NEGR1: variants seen among roughly 807,000 people sequenced by gnomAD.
NEGR1 encodes the protein IgLON family member 4.
A neutral mutation model predicts 40.9 loss-of-function variants in NEGR1; 10 were observed. The observed-to-expected ratio is 0.24, with a 90% CI of 0.15 to 0.42. NEGR1 has a LOEUF of 0.42. NEGR1 is among the 10% of genes least tolerant of loss of function. The probability of loss-of-function intolerance (pLI) is 1.00; values close to 1 mark genes in which losing one functional copy is unlikely to be tolerated. For synonymous variants in NEGR1, 185 were observed against 166.8 expected (o/e 1.11, Z -0.84); for missense variants, 352 against 438.9 (o/e 0.80, Z 1.77).
At chr1:71,490,162 T>C (rs1233483931) in intron 6 of NEGR1, among the ~76,000 whole-genome samples, 1 of 152,028 alleles carries the variant, frequency 6.6e-6, no homozygotes, top group Non-Finnish European at 1.5e-5. Flanking sequence ...AAGTATTATT[T>C]TTACATTCTT....
chr1:72,232,621 A>T (rs1450833059), intron 1 of NEGR1, among the ~76,000 whole-genome samples: 1 of 152,096 alleles, frequency 6.6e-6, no homozygotes, highest in African/African-American at 2.4e-5. Context: ...TTTTAGTGTA[A>T]TAGCAATCAT....
chr1:71,587,313 G>T (rs187130589), intron 6 of NEGR1, among the ~76,000 whole-genome samples: 28 of 152,198 alleles, frequency 1.8e-4, no homozygotes, highest in Admixed American at 6.5e-4. Context: ...AATCTAACCA[G>T]GGAAAAACAG....
At chr1:71,802,618 G>C (rs990868554) in intron 2 of NEGR1, among the ~76,000 whole-genome samples, 1 of 152,144 alleles carries the variant, frequency 6.6e-6, no homozygotes, top group African/African-American at 2.4e-5. Flanking sequence ...CTATGGAAGG[G>C]ATGCTGCTGC....
intron 6 of NEGR1, among the ~76,000 whole-genome samples, chr1:71,458,298 C>T (rs1040660499): frequency 6.6e-6 from 1 of 152,164 alleles, no homozygotes; most frequent in Non-Finnish European, 1.5e-5. Flanking sequence ...ACCATAAACT[C>T]TTATTATACA....
At chr1:71,543,082 A>T (rs1647768632) in intron 6 of NEGR1, among the ~76,000 whole-genome samples, 1 of 151,782 alleles carries the variant, frequency 6.6e-6, no homozygotes, top group Non-Finnish European at 1.5e-5. Context: ...TGTAAGCTTC[A>T]TAAAGCCAGG....
At chr1:71,823,015 T>C (rs1472824397) in intron 2 of NEGR1, among the ~76,000 whole-genome samples, 1 of 152,018 alleles carries the variant, frequency 6.6e-6, no homozygotes, top group Non-Finnish European at 1.5e-5. Context: ...AAGACCTTTA[T>C]ATGGTGCTGC....
chr1:71,423,807 C>A (rs1646412243), intron 6 of NEGR1, among the ~76,000 whole-genome samples: 1 of 149,888 alleles, frequency 6.7e-6, no homozygotes, highest in Non-Finnish European at 1.5e-5. Flanking sequence ...TCATTATGAC[C>A]AACTCCTCCT....
intron 4 of NEGR1, among the ~76,000 whole-genome samples, chr1:71,630,548 A>C (rs1206634042): frequency 6.6e-6 from 1 of 151,852 alleles, no homozygotes; most frequent in Non-Finnish European, 1.5e-5. Flanking sequence ...TGCCCCATAA[A>C]ATAATGGTCC....
At position 71,968,178 on chromosome 1, in the gene NEGR1, A is replaced by T. The variant is rs539466907; in HGVS notation, c.177-32867T>A. Among the ~76,000 whole-genome samples, 35 of 152,216 alleles carry T rather than the reference A, an allele frequency of 2.3e-4. No homozygotes were observed. The South Asian group carries it at 6.2e-3, about 27-fold the overall frequency. On this transcript the variant is annotated intron_variant, in intron 1 of 6. Coordinates refer to ENST00000357731, the MANE Select transcript of NEGR1 (RefSeq NM_173808.3). ...CAGAAATGTAAATCTGTACGATTATAAAAAAATGTGCAAATTGCACTGGAA... is the reference window on the plus strand; with the variant it reads ...CAGAAATGTAAATCTGTACGATTATTAAAAAATGTGCAAATTGCACTGGAA...
intron 1 of NEGR1, among the ~76,000 whole-genome samples, chr1:71,994,216 A>G (rs963813279): frequency 1.3e-5 from 2 of 152,154 alleles, no homozygotes; most frequent in Admixed American, 6.5e-5. Flanking sequence ...GTGATAAGAC[A>G]TTAAATATGA....
rs1038330013 is a variant in NEGR1, at chr1:71,403,654, A to G, written c.*3792T>C. On this transcript the variant is annotated 3_prime_UTR_variant, in exon 7 of 7. Coordinates refer to ENST00000357731, the MANE Select transcript of NEGR1 (RefSeq NM_173808.3). The stretch of plus-strand genomic sequence containing the variant: ...TGAGTGTAATACAGGAAATAAAGAG[A>G]ATAGCAGAAATATCTTCAAATTATT... 1 of 309,356 alleles carries G rather than the reference A, an allele frequency of 3.2e-6. No individual in the cohort carries two copies. The allele number at this position is 309,356 out of a possible 1,614,324, so 19.2% of individuals were successfully genotyped here.
intron 1 of NEGR1, among the ~76,000 whole-genome samples, chr1:72,023,225 G>A (rs963379885): frequency 6.6e-6 from 1 of 152,128 alleles, no homozygotes; most frequent in Non-Finnish European, 1.5e-5. Context: ...TTGAAGAAGT[G>A]ATTGTGTTAT....
chr1:71,856,461 TTG>T (rs1424568771), intron 2 of NEGR1, among the ~76,000 whole-genome samples: 1 of 152,098 alleles, frequency 6.6e-6, no homozygotes, highest in African/African-American at 2.4e-5. Flanking sequence ...GTGTTCTCTA[TTG>T]TGTGTCAGAT....
chr1:71,486,593 C>T (rs1318285827), intron 6 of NEGR1: 1 of 151,396 alleles, frequency 6.6e-6, no homozygotes, highest in Admixed American at 6.6e-5. Context: ...CCCTTTTTAT[C>T]CTCTTATTGC....
intron 6 of NEGR1, 25 bp downstream of exon 6, chr1:71,592,792 A>G: frequency 2.5e-6 from 4 of 1,593,256 alleles, no homozygotes; most frequent in Non-Finnish European, 3.4e-6. Context: ...CCCTGGAAGC[A>G]TTTTGGTACC....
At position 71,574,991 on chromosome 1, in the gene NEGR1, A is replaced by G. The variant is rs1028892967; in HGVS notation, c.940+17826T>C. On this transcript the variant is annotated intron_variant, in intron 6 of 6. Transcript: ENST00000357731. ...ACTATTTGTTTGTTGTTTGAGACAAAATTATTCTGAGACTAAATCTGTAAT... is the reference window on the plus strand; with the variant it reads ...ACTATTTGTTTGTTGTTTGAGACAAGATTATTCTGAGACTAAATCTGTAAT... 2.6e-5 allele frequency among the ~76,000 whole-genome samples: 4 copies of G among 152,162 alleles called. No homozygotes were observed. In the East Asian group the frequency reaches 7.7e-4, roughly 29 times the overall value.
intron 1 of NEGR1, among the ~76,000 whole-genome samples, chr1:72,111,447 C>T (rs764733484): frequency 1.7e-4 from 25 of 151,440 alleles, no homozygotes; most frequent in Non-Finnish European, 2.7e-4. Context: ...ATCTGAATAT[C>T]ATGAAAAAAA....
chr1:71,908,488 G>C (rs1468002535), intron 2 of NEGR1, among the ~76,000 whole-genome samples: 1 of 152,102 alleles, frequency 6.6e-6, no homozygotes, highest in Non-Finnish European at 1.5e-5. Flanking sequence ...TGTGTTCCAG[G>C]AACACAGCCA....
At chr1:71,521,415 G>A (rs1647156653) in intron 6 of NEGR1, among the ~76,000 whole-genome samples, 1 of 151,832 alleles carries the variant, frequency 6.6e-6, no homozygotes, top group African/African-American at 2.4e-5. Flanking sequence ...TGAGTACAGG[G>A]GCCACATCTT....
Sources: allele counts gnomAD v4.1 joint callset (sites outside exome capture counted in the v4.1 genomes callset), GRCh38; gene constraint gnomAD v4.1.1; transcripts MANE v1.5; gene names NCBI Gene and HGNC (gene_info 2026-07-23, HGNC 2026-07-21).